WDR62: variants seen among roughly 807,000 people sequenced by gnomAD.
The protein encoded by WDR62 is WD repeat domain 62, also known as WD repeat-containing protein 62.
In WDR62, 112 loss-of-function variants were observed where a neutral mutation model predicts 160.6. That is an observed-to-expected ratio of 0.70 (90% CI 0.60 to 0.82). The LOEUF (loss-of-function observed/expected upper bound fraction) is 0.82. WDR62 is among the 40% of genes least tolerant of loss of function. The pLI, the probability that WDR62 is intolerant of heterozygous loss-of-function variation, is 0.00. For missense variants in WDR62, 1,819 were observed against 1,983.8 expected, an observed-to-expected ratio of 0.92 and a Z score of 1.58; for synonymous variants, 792 against 815.1, an observed-to-expected ratio of 0.97 and a Z score of 0.48.
In WDR62 at chr19:36,102,001, CCTT is replaced by C; in HGVS notation, c.3083-11_3083-9del. 1.2e-6 allele frequency: 2 copies of C among 1,614,108 alleles called. No individual in the cohort carries two copies. Among genetic ancestry groups the C allele is most frequent in the African/African-American group, 1.3e-5 (1 of 75,050 alleles). On this transcript the variant is annotated splice_polypyrimidine_tract_variant and intron_variant, in intron 25 of 31. Coordinates refer to ENST00000401500, the MANE Select transcript of WDR62 (RefSeq NM_001083961.2). ...TGTTGGCTCCTCTTGTCCCTCCCCT[CCTT>C]CCCTGTCAGGATGCGCAGGTCCCAC...
chr19:36,058,943 A>G lies in WDR62; in HGVS notation c.269+72A>G, dbSNP rs1468096588. On this transcript the variant is annotated intron_variant, in intron 2 of 31. Transcript: ENST00000401500. ...GAGCTTGGAACCTGAAGCCATCCGT[A>G]AATCGCTCTGAGCCTCATATTTTTC... The G allele has an allele frequency of 2.4e-6, 3 of 1,275,076 alleles. No homozygotes were observed. The South Asian group carries it at 3.7e-5, about 16-fold the overall frequency. The allele number at this position is 1,275,076 out of a possible 1,614,324, so 79.0% of individuals were successfully genotyped here.
downstream of WDR62, chr19:36,105,163 G>A: frequency 8.5e-7 from 1 of 1,177,178 alleles, no homozygotes; most frequent in Non-Finnish European, 1.2e-6. Flanking sequence ...AGTGGAAGTG[G>A]GGAGGGAGGG....
rs963169201 is a variant in WDR62 at position 36,068,079 on chromosome 19, A to G, written c.882+69A>G. On this transcript the variant is annotated intron_variant, in intron 7 of 31. Transcript: ENST00000401500. ...GTGATATGTGTCTGCAGGGGTGCTC[A>G]TCAGCATTGACCACACAGGTTCTGC... 3.9e-6 allele frequency: 6 copies of G among 1,540,356 alleles called. No homozygotes were observed. The African/African-American group carries it at 4.1e-5, about 11-fold the overall frequency.
intron 7 of WDR62, chr19:36,070,584 G>T (rs1971244356): frequency 6.6e-6 from 1 of 152,194 alleles, no homozygotes; most frequent in Admixed American, 6.6e-5. Flanking sequence ...TCCTGTTCCT[G>T]GCCTGCCTTT....
intron 3 of WDR62, chr19:36,060,434 G>A (rs1410747951): frequency 4.6e-6 from 1 of 217,778 alleles, no homozygotes; most frequent in Non-Finnish European, 9.4e-6. Flanking sequence ...GCTGTAGGGA[G>A]AGCGCTTCAG....
Position 36,055,054 on chromosome 19 carries a change from G to A in WDR62, c.83G>A (p.Arg28Gln). 1.3e-6 allele frequency: 2 copies of A among 1,592,010 alleles called. No homozygotes were observed. Among genetic ancestry groups the A allele is most frequent in the South Asian group, 1.1e-5 (1 of 88,898 alleles). ...TCTGTCATGGCGGGAGTTCCGGCGC[G>A]GAGGGGCCAGTCCTCCCCGCCCCCC... ...LPSVMAGVPARRGQSSPPPAP... is the reference protein window; with the variant it reads ...LPSVMAGVPAQRGQSSPPPAP... The change falls in exon 1 of 32, where the codon CGG (arginine) becomes CAG (glutamine). Residue 28 changes from arginine to glutamine, a missense_variant. Transcript: ENST00000401500.
At chr19:36,099,280 A>T in intron 21 of WDR62, 119 bp from the exon 22 acceptor site, 1 of 745,918 alleles carries the variant, frequency 1.3e-6, no homozygotes. Context: ...TGTACCTGGA[A>T]GTTGTTTCTG....
intron 20 of WDR62, 29 bp from the exon 21 acceptor site, chr19:36,096,998 C>G (rs1305621203): frequency 2.5e-6 from 4 of 1,600,042 alleles, no homozygotes; most frequent in Non-Finnish European, 1.7e-6. Flanking sequence ...GTTGTTTGTC[C>G]TCTTTTCATG....
At chr19:36,064,243 C>A (rs1970812300) in intron 3 of WDR62, among the ~76,000 whole-genome samples, 1 of 152,148 alleles carries the variant, frequency 6.6e-6, no homozygotes, top group African/African-American at 2.4e-5. Flanking sequence ...GGTGGGCAGC[C>A]CAGGGGCTGT....
In WDR62 at chr19:36,058,877, C is replaced by T. The variant is rs1970499114; in HGVS notation, c.269+6C>T. On this transcript the variant is annotated splice_donor_region_variant and intron_variant, in intron 2 of 31. Transcript: ENST00000401500. The stretch of plus-strand genomic sequence containing the variant: ...CATGTGGCCTACCTGGCAGGGTAAG[C>T]AGATAAGGGCCTCGACGTCTAATCA... 1 of 1,611,268 alleles carries T rather than the reference C, an allele frequency of 6.2e-7. No individual in the cohort carries two copies. Among genetic ancestry groups the T allele is most frequent in the Non-Finnish European group, 8.5e-7 (1 of 1,177,444 alleles).
chr19:36,101,027 TG>T (rs1973296096), intron 23 of WDR62, 152 bp downstream of exon 23: 1 of 1,365,796 alleles, frequency 7.3e-7, no homozygotes, highest in African/African-American at 1.4e-5. Context: ...CTTAGTTCCC[TG>T]GTTCCAGGTG....
In WDR62 at chr19:36,055,224, G is replaced by A. The variant is rs1970291991; in HGVS notation, c.177+76G>A. ...CCCTAGTCCCGTCCTGAGAACTGTG[G>A]CCCCGACATCAGCCCCCGGCCAGTC... On this transcript the variant is annotated intron_variant, in intron 1 of 31. Coordinates refer to ENST00000401500, the MANE Select transcript of WDR62 (RefSeq NM_001083961.2). 4 of 1,507,992 alleles carry A rather than the reference G, an allele frequency of 2.7e-6. No individual in the cohort carries two copies. The East Asian group carries it at 7.4e-5, about 28-fold the overall frequency. The allele number at this position is 1,507,992 out of a possible 1,614,324, so 93.4% of individuals were successfully genotyped here.
At chr19:36,055,367 G>A (rs1970305781) in intron 1 of WDR62, among the ~76,000 whole-genome samples, 1 of 152,144 alleles carries the variant, frequency 6.6e-6, no homozygotes, top group African/African-American at 2.4e-5. Context: ...AGCAATTCGG[G>A]GGTTCCTCGC....
intron 22 of WDR62, 89 bp from the exon 23 acceptor site, chr19:36,100,659 A>G (rs1973271338): frequency 6.3e-7 from 1 of 1,591,348 alleles, no homozygotes; most frequent in Non-Finnish European, 8.6e-7. Flanking sequence ...CACAGCCTCC[A>G]GCAGTGGGGC....
chr19:36,102,190 G>C (rs1171754291), intron 26 of WDR62, 39 bp downstream of exon 26: 19 of 1,613,752 alleles, frequency 1.2e-5, no homozygotes, highest in South Asian at 2.2e-5. Flanking sequence ...GAGGCCGTCT[G>C]TGCAGCCTGG....
intron 16 of WDR62, 66 bp from the exon 17 acceptor site, chr19:36,091,134 G>A: frequency 7.1e-7 from 1 of 1,416,732 alleles, no homozygotes; most frequent in Non-Finnish European, 9.9e-7. Flanking sequence ...GGGAGGGAGG[G>A]GCCCAGGCCT....
chr19:36,069,291 G>A (rs1456343748), intron 7 of WDR62, among the ~76,000 whole-genome samples: 4 of 151,574 alleles, frequency 2.6e-5, no homozygotes, highest in Admixed American at 2.0e-4. Context: ...GCTGCCGGGC[G>A]GAGGGGCTCC....
At position 36,080,489 on chromosome 19, in the gene WDR62, C is replaced by T. The variant is rs367716512; in HGVS notation, c.1234-944C>T. On this transcript the variant is annotated intron_variant, in intron 9 of 31. Transcript: ENST00000401500. ...TTACCCAGACTGGAGTGCAATGGCG[C>T]GATCTTGGCTCACTGCAACCTCCGC... is the stretch of plus-strand genomic sequence containing the variant. Among the ~76,000 whole-genome samples, 43 of 148,724 alleles carry T rather than the reference C, an allele frequency of 2.9e-4. No homozygotes were observed. The East Asian group carries it at 8.5e-3, about 29-fold the overall frequency.
In WDR62 at chr19:36,104,587, C is replaced by G. The variant is rs768909004; in HGVS notation, c.4223C>G (p.Pro1408Arg). The change falls in exon 31 of 32, where the codon CCC (proline) becomes CGC (arginine). Residue 1408 changes from proline (P) to arginine (R), a missense_variant. Pro to Arg is a moderately radical substitution (Grantham distance 103). Around this residue, in one of 3 missense-constraint regions of WDR62, gnomAD observed 770 missense variants for 734.2 expected, o/e 1.05. Transcript: ENST00000401500. ...CCCTGGGTGCCGGTTGAAGCCCTGC[C>G]CCCATCTCCCCTTGAGCTGAGCAGG... ...SEPWVPVEAL[P>R]PSPLELSRVG... 1 of 1,613,866 alleles carries G rather than the reference C, an allele frequency of 6.2e-7. No individual in the cohort carries two copies. Among genetic ancestry groups the G allele is most frequent in the South Asian group, 1.1e-5 (1 of 91,072 alleles).
Sources: gnomAD v4.1 joint callset for allele counts (sites outside exome capture counted in the v4.1 genomes callset) on GRCh38, gnomAD v4.1.1 for gene constraint, gnomAD v4.1.1 regional missense constraint, MANE v1.5 for transcripts, NCBI Gene and HGNC (gene_info 2026-07-23, HGNC 2026-07-21) for gene names.